PAPPA: variants seen among roughly 807,000 people sequenced by gnomAD.
PAPPA encodes the protein pappalysin-1.
Under a neutral mutation model 164.0 loss-of-function variants are expected in PAPPA, and 60 were observed. The ratio of observed to expected loss-of-function variants is 0.37; its 90% CI spans 0.30 to 0.45. PAPPA has a LOEUF of 0.45. PAPPA is among the 20% of genes least tolerant of loss of function. The probability of loss-of-function intolerance (pLI) is 1.00; values close to 1 mark genes in which losing one functional copy is unlikely to be tolerated. For missense variants in PAPPA, 1,782 were observed against 2,087.3 expected (o/e 0.85, Z 2.85); for synonymous variants, 875 against 814.1 (o/e 1.07, Z -1.27).
At chr9:116,343,539 C>T (rs898812809) in intron 13 of PAPPA, among the ~76,000 whole-genome samples, 1 of 152,164 alleles carries the variant, frequency 6.6e-6, no homozygotes, top group African/African-American at 2.4e-5. Flanking sequence ...AGATGCAAGA[C>T]ATAGTCTCTG....
chr9:116,257,471 C>T (rs572100017), intron 7 of PAPPA, among the ~76,000 whole-genome samples: 10 of 151,924 alleles, frequency 6.6e-5, no homozygotes, highest in Admixed American at 2.6e-4. Flanking sequence ...GAGGCCAAGG[C>T]GGGTGGATCA....
At position 116,154,308 on chromosome 9, in the gene PAPPA, A is replaced by C; in HGVS notation, c.136A>C (p.Thr46Pro). ...CCCGCGCCCCGCCGCCGGCCCGGCC[A>C]CCTGCGCCACCCGGGCGGCCCGCGG... ...RPPRPAAGPA[T>P]CATRAARGRR... is the part of the protein sequence containing the mutation. The change falls in exon 1 of 22, where the codon ACC becomes CCC. Residue 46 changes from threonine (T) to proline (P), a missense_variant. Physicochemically the swap from Thr to Pro is conservative, Grantham distance 38 (BLOSUM62 -1). This residue lies in a region of PAPPA where 458 missense variants were observed against 430.3 expected (regional missense o/e 1.06). Transcript: ENST00000328252. This position sits in a 1 kb window ranked among gnomAD's most constrained non-coding sequence, Gnocchi z 5.2. The C allele has an allele frequency of 1.1e-6, 1 of 902,324 alleles. No individual in the cohort carries two copies. Among genetic ancestry groups the C allele is most frequent in the Non-Finnish European group, 1.3e-6 (1 of 758,146 alleles). The allele number at this position is 902,324 out of a possible 1,614,324, so 55.9% of individuals were successfully genotyped here.
chr9:116,219,526 T>G (rs1024323275), intron 4 of PAPPA, among the ~76,000 whole-genome samples: 1 of 151,976 alleles, frequency 6.6e-6, no homozygotes, highest in African/African-American at 2.4e-5. Context: ...AGTGAATGAA[T>G]GAATGAATGA....
chr9:116,203,804 A>G (rs1844199502), intron 2 of PAPPA, among the ~76,000 whole-genome samples: 1 of 152,162 alleles, frequency 6.6e-6, no homozygotes, highest in Admixed American at 6.5e-5. Context: ...TGGACTTTGC[A>G]GGGTTCATAA....
Position 116,280,793 on chromosome 9 carries a change from C to T in PAPPA, c.2953+9377C>T, listed in dbSNP as rs551856211. On this transcript the variant is annotated intron_variant, in intron 9 of 21. Coordinates refer to ENST00000328252, the MANE Select transcript of PAPPA (RefSeq NM_002581.5). ...TAGACAAAGTTTTACTGAAACACAA[C>T]TATGCTCCTTTGTTTACATATTTGC... is the stretch of plus-strand genomic sequence containing the variant. Among the ~76,000 whole-genome samples the T allele has an allele frequency of 8.5e-5, 13 of 152,362 alleles. No homozygotes were observed. In the South Asian group the frequency reaches 2.7e-3, roughly 32 times the overall value.
At chr9:116,248,668 A>G (rs1844825212) in intron 7 of PAPPA, among the ~76,000 whole-genome samples, 1 of 152,184 alleles carries the variant, frequency 6.6e-6, no homozygotes, top group African/African-American at 2.4e-5. Context: ...TGGCATTTTA[A>G]CTTGACACTG....
chr9:116,246,533 A>C (rs1844799040), intron 7 of PAPPA, among the ~76,000 whole-genome samples: 1 of 152,180 alleles, frequency 6.6e-6, no homozygotes, highest in African/African-American at 2.4e-5. Context: ...TCCCTCTGGA[A>C]GAGTTAGAGG....
At chr9:116,262,279 T>C (rs918229696) in intron 7 of PAPPA, among the ~76,000 whole-genome samples, 3 of 151,922 alleles carry the variant, frequency 2.0e-5, no homozygotes, top group African/African-American at 7.3e-5. Context: ...CATTTAAATA[T>C]ATTAGCTACA....
chr9:116,215,989 A>T (rs1587956157), intron 4 of PAPPA, among the ~76,000 whole-genome samples: 1 of 152,300 alleles, frequency 6.6e-6, no homozygotes, highest in East Asian at 1.9e-4. Flanking sequence ...TATACCTTAG[A>T]CATCAATTTT....
chr9:116,257,639 T>C (rs1020544923), intron 7 of PAPPA, among the ~76,000 whole-genome samples: 2 of 152,072 alleles, frequency 1.3e-5, no homozygotes, highest in South Asian at 4.2e-4. Flanking sequence ...GACGCGGAGC[T>C]TGCAGTGAGC....
chr9:116,201,186 G>C lies in PAPPA; in HGVS notation c.1479-6270G>C, dbSNP rs78421553. ...AATTCAGGTTTTTGTACTGGTCACA[G>C]CTTGGAGAAAGCTTGTTATTTGGAA... On this transcript the variant is annotated intron_variant, in intron 2 of 21. Coordinates refer to ENST00000328252, the MANE Select transcript of PAPPA (RefSeq NM_002581.5). Among the ~76,000 whole-genome samples, 989 of 152,338 alleles carry C rather than the reference G, an allele frequency of 6.5e-3. 32 individuals carry two copies. The East Asian group carries it at 0.11, about 16-fold the overall frequency.
At chr9:116,163,974 T>C (rs1843695602) in intron 1 of PAPPA, among the ~76,000 whole-genome samples, 1 of 152,198 alleles carries the variant, frequency 6.6e-6, no homozygotes, top group Admixed American at 6.5e-5. Flanking sequence ...ATAATATAAC[T>C]AATTCTAGCC....
chr9:116,214,602 T>C (rs1394712114), intron 4 of PAPPA, among the ~76,000 whole-genome samples: 1 of 152,142 alleles, frequency 6.6e-6, no homozygotes, highest in Non-Finnish European at 1.5e-5. Flanking sequence ...GGAAGCCTAA[T>C]TCAGTAGGCA....
chr9:116,237,909 G>A (rs1351684652), intron 7 of PAPPA, among the ~76,000 whole-genome samples: 1 of 151,802 alleles, frequency 6.6e-6, no homozygotes, highest in Non-Finnish European at 1.5e-5. Context: ...TAGTAGAGAC[G>A]GGGTTTTGCC....
At chr9:116,272,898 A>G (rs980512906) in intron 9 of PAPPA, among the ~76,000 whole-genome samples, 1 of 152,192 alleles carries the variant, frequency 6.6e-6, no homozygotes, top group Non-Finnish European at 1.5e-5. Context: ...TACCTACTGT[A>G]AATTTTTAAA....
At chr9:116,388,353 C>CA (rs958843769) in intron 21 of PAPPA, among the ~76,000 whole-genome samples, 11 of 151,940 alleles carry the variant, frequency 7.2e-5, no homozygotes, top group Admixed American at 5.2e-4. Flanking sequence ...CCCTTCATGA[C>CA]AAAAAAAATT....
chr9:116,334,900 TC>T lies in PAPPA; in HGVS notation c.3440del (p.Pro1147LeufsTer18). ...AGCTGCAGGAACAATCCCCTGATTA[TC>T]CCTGTGGTCCATGACCTCAGCCAGC... Reference protein sequence around the residue: ...VLSCRNNPLIIPVVHDLSQPF... With the variant: ...VLSCRNNPLIXPVVHDLSQPF... On this transcript the variant is annotated frameshift_variant, in exon 13 of 22. Transcript: ENST00000328252. LOFTEE classifies it high-confidence loss of function. The T allele has an allele frequency of 6.2e-7, 1 of 1,613,866 alleles. No individual in the cohort carries two copies. Among genetic ancestry groups the T allele is most frequent in the Non-Finnish European group, 8.5e-7 (1 of 1,179,982 alleles).
At chr9:116,316,935 G>A (rs1053797633) in intron 10 of PAPPA, among the ~76,000 whole-genome samples, 9 of 152,172 alleles carry the variant, frequency 5.9e-5, no homozygotes, top group African/African-American at 1.9e-4. Flanking sequence ...GGGATGGGAG[G>A]ACCCTGAGGT....
In PAPPA at chr9:116,396,714, C is replaced by A; in HGVS notation, c.*98C>A. On this transcript the variant is annotated 3_prime_UTR_variant, in exon 22 of 22. Coordinates refer to ENST00000328252, the MANE Select transcript of PAPPA (RefSeq NM_002581.5). The stretch of plus-strand genomic sequence containing the variant: ...GCTGCTCAACGGAATGGCCTCTCCA[C>A]ACCAGGGATCCTTAGCACCCAACCG... 2.9e-6 allele frequency: 2 copies of A among 695,054 alleles called. No homozygotes were observed. The highest frequency in any genetic ancestry group is 1.6e-5 in the South Asian group (1 of 62,190). The allele number at this position is 695,054 out of a possible 1,614,324, so 43.1% of individuals were successfully genotyped here. A position where few individuals can be genotyped will look rare whatever the true frequency, so the allele number is the denominator to read the frequency against.
Sources: allele counts gnomAD v4.1 joint callset (sites outside exome capture counted in the v4.1 genomes callset), GRCh38; gene constraint gnomAD v4.1.1; regional missense constraint gnomAD v4.1.1; non-coding constraint Gnocchi (gnomAD v3.1); transcripts MANE v1.5; gene names NCBI Gene and HGNC (gene_info 2026-07-23, HGNC 2026-07-21).